The following MBD5 variants were observed in gnomAD, a reference collection of about 807,000 sequenced individuals.
The protein encoded by MBD5 is methyl-CpG binding domain protein 5, also known as methyl-CpG-binding domain protein 5.
MBD5 carries 13 observed loss-of-function variants against 117.3 expected under a neutral mutation model. The observed-to-expected ratio is 0.11, with a 90% confidence interval of 0.07 to 0.18. The LOEUF (loss-of-function observed/expected upper bound fraction) is 0.18. MBD5 is among the 10% of genes least tolerant of loss of function. The pLI is 1.00. For missense variants in MBD5, 1,879 were observed against 2,093.8 expected, an observed-to-expected ratio of 0.90 and a Z score of 2.00; for synonymous variants, 727 against 766.4, an observed-to-expected ratio of 0.95 and a Z score of 0.85.
intron 3 of MBD5, among the ~76,000 whole-genome samples, chr2:148,328,634 C>G (rs890777715): frequency 6.6e-6 from 1 of 152,250 alleles, no homozygotes; most frequent in African/African-American, 2.4e-5. Context: ...CTTTCTTTGA[C>G]TAGGAAAGGG....
At chr2:148,184,392 C>T (rs983798032) in intron 2 of MBD5, among the ~76,000 whole-genome samples, 2 of 152,060 alleles carry the variant, frequency 1.3e-5, no homozygotes, top group African/African-American at 4.8e-5. Context: ...TTTCTATATC[C>T]TTGTTCTTAG....
At chr2:148,137,583 G>A (rs1233811774) in intron 1 of MBD5, among the ~76,000 whole-genome samples, 2 of 152,156 alleles carry the variant, frequency 1.3e-5, no homozygotes, top group African/African-American at 4.8e-5. Context: ...AACATAGAGA[G>A]ACACTGTCTC....
intron 2 of MBD5, among the ~76,000 whole-genome samples, chr2:148,201,135 C>A (rs1344360867): frequency 6.6e-6 from 1 of 152,194 alleles, no homozygotes; most frequent in Admixed American, 6.5e-5. Flanking sequence ...ACTTGACACA[C>A]CAGGCCATGC....
chr2:148,288,895 G>C lies in MBD5; in HGVS notation c.-679-53319G>C, dbSNP rs568587239. On this transcript the variant is annotated intron_variant, in intron 3 of 13. Coordinates refer to ENST00000642680, the MANE Select transcript of MBD5 (RefSeq NM_001378120.1). The stretch of plus-strand genomic sequence containing the variant: ...CTTCTCTGTGTTTTCTATATATTTA[G>C]TAAGTTCTGTAATTAATAAATCTTA... Among the ~76,000 whole-genome samples the C allele has an allele frequency of 3.3e-5, 5 of 152,272 alleles. No homozygotes were observed. In the South Asian group the frequency reaches 1.0e-3, roughly 32 times the overall value.
intron 2 of MBD5, among the ~76,000 whole-genome samples, chr2:148,232,649 C>CTT (rs5835180): frequency 2.1e-5 from 3 of 140,704 alleles, no homozygotes; most frequent in African/African-American, 7.8e-5. Context: ...GACTTTTTTT[C>CTT]TTTTTTTTTT....
intron 1 of MBD5, among the ~76,000 whole-genome samples, chr2:148,110,254 G>A (rs553517377): frequency 1.3e-5 from 2 of 152,270 alleles, no homozygotes; most frequent in South Asian, 2.1e-4. Flanking sequence ...CTAGTGAGAC[G>A]TTGAGCCAGA....
chr2:148,245,084 T>C (rs1700304573), intron 3 of MBD5, among the ~76,000 whole-genome samples: 1 of 152,188 alleles, frequency 6.6e-6, no homozygotes, highest in Admixed American at 6.5e-5. Flanking sequence ...ATCTAACTTG[T>C]TAGCAATATT....
chr2:148,305,882 A>G (rs1328542182), intron 3 of MBD5, among the ~76,000 whole-genome samples: 4 of 152,246 alleles, frequency 2.6e-5, no homozygotes, highest in African/African-American at 2.4e-5. Context: ...GAACAGAGCT[A>G]GAATCTAATA....
chr2:148,230,738 C>T (rs1699963598), intron 2 of MBD5, among the ~76,000 whole-genome samples: 1 of 152,110 alleles, frequency 6.6e-6, no homozygotes, highest in South Asian at 2.1e-4. Context: ...TTGTTCAGGG[C>T]CCAAGGTCTC....
At chr2:148,429,896 A>T (rs377427989) in intron 4 of MBD5, among the ~76,000 whole-genome samples, 9 of 152,134 alleles carry the variant, frequency 5.9e-5, no homozygotes, top group African/African-American at 2.2e-4. Flanking sequence ...CCTAATGGAG[A>T]TGATGGGTTG....
intron 12 of MBD5, among the ~76,000 whole-genome samples, chr2:148,504,839 A>C (rs1334622861): frequency 4.6e-5 from 7 of 152,268 alleles, no homozygotes; most frequent in African/African-American, 1.7e-4. Flanking sequence ...GGATGGGAAG[A>C]TATAAGAGGT....
chr2:148,281,672 G>A (rs1311438018), intron 3 of MBD5, among the ~76,000 whole-genome samples: 1 of 152,070 alleles, frequency 6.6e-6, no homozygotes, highest in African/African-American at 2.4e-5. Context: ...CATCCTGACA[G>A]TGACTTTTTT....
intron 3 of MBD5, among the ~76,000 whole-genome samples, chr2:148,282,544 T>A (rs888310318): frequency 1.2e-5 from 1 of 80,292 alleles, no homozygotes; most frequent in Non-Finnish European, 3.4e-5. Context: ...GTTAAAAAAA[T>A]ATGTATATAT....
intron 4 of MBD5, among the ~76,000 whole-genome samples, chr2:148,344,011 T>C (rs1442293921): frequency 6.6e-6 from 1 of 152,102 alleles, no homozygotes; most frequent in Non-Finnish European, 1.5e-5. Context: ...TGGTCCAATT[T>C]CATTCTTCTG....
intron 4 of MBD5, among the ~76,000 whole-genome samples, chr2:148,403,062 T>C (rs1294912473): frequency 6.6e-6 from 1 of 152,204 alleles, no homozygotes; most frequent in Non-Finnish European, 1.5e-5. Flanking sequence ...CTAGTGTATT[T>C]TTATCTCAGA....
intron 3 of MBD5, among the ~76,000 whole-genome samples, chr2:148,254,252 G>A (rs1357449792): frequency 6.6e-6 from 1 of 152,208 alleles, no homozygotes; most frequent in African/African-American, 2.4e-5. Flanking sequence ...CTGATTGTTA[G>A]GGATAAAGGT....
intron 3 of MBD5, among the ~76,000 whole-genome samples, chr2:148,241,951 A>G (rs1700224667): frequency 6.6e-6 from 1 of 152,164 alleles, no homozygotes; most frequent in Admixed American, 6.6e-5. Context: ...TTGAATTGGA[A>G]TTACTGGGTC....
At chr2:148,416,204 G>C (rs1705412723) in intron 4 of MBD5, among the ~76,000 whole-genome samples, 1 of 152,130 alleles carries the variant, frequency 6.6e-6, no homozygotes. Context: ...GATTGGCTTT[G>C]TTTCTGGAAG....
intron 4 of MBD5, among the ~76,000 whole-genome samples, chr2:148,413,510 CTT>C (rs56767489): frequency 7.2e-5 from 10 of 139,738 alleles, no homozygotes; most frequent in Admixed American, 1.4e-4. Flanking sequence ...CCTCCCCCAC[CTT>C]TTTTTTTTTT....
Sources: gnomAD v4.1 joint callset for allele counts (sites outside exome capture counted in the v4.1 genomes callset) on GRCh38, gnomAD v4.1.1 for gene constraint, MANE v1.5 for transcripts, NCBI Gene and HGNC (gene_info 2026-07-23, HGNC 2026-07-21) for gene names.